The following TBC1D22A variants were observed in gnomAD, a reference collection of about 807,000 sequenced individuals.
TBC1D22A encodes the protein putative GTPase activator.
A neutral mutation model predicts 60.2 loss-of-function variants in TBC1D22A; 38 were observed. That is an observed-to-expected ratio of 0.63 (90% CI 0.49 to 0.83). The LOEUF (loss-of-function observed/expected upper bound fraction) is 0.83. TBC1D22A is among the 40% of genes least tolerant of loss of function. The pLI, the probability that TBC1D22A is intolerant of heterozygous loss-of-function variation, is 0.00. For synonymous variants in TBC1D22A, 302 were observed against 281.7 expected, an observed-to-expected ratio of 1.07 and a Z score of -0.72; for missense variants, 628 against 701.0, an observed-to-expected ratio of 0.90 and a Z score of 1.18.
At chr22:46,935,368 A>T (rs777938362) in intron 8 of TBC1D22A, among the ~76,000 whole-genome samples, 2 of 152,174 alleles carry the variant, frequency 1.3e-5, no homozygotes, top group Non-Finnish European at 2.9e-5. Flanking sequence ...TTAAAAAGTG[A>T]GTCAAAAAAA....
chr22:47,007,019 G>A (rs1270976695), intron 10 of TBC1D22A, among the ~76,000 whole-genome samples: 1 of 152,220 alleles, frequency 6.6e-6, no homozygotes, highest in East Asian at 1.9e-4. Flanking sequence ...GCCAGCCCAA[G>A]AAGGACTCTG....
intron 12 of TBC1D22A, among the ~76,000 whole-genome samples, chr22:47,172,085 A>AGCACTCCCAGTAAGCCCAAC (rs2068503776): frequency 1.0e-5 from 1 of 95,484 alleles, no homozygotes; most frequent in Non-Finnish European, 2.3e-5. Context: ...GAGCCTACCC[A>AGCACTCCCAGTAAGCCCAAC]GCACTCCCAG....
intron 8 of TBC1D22A, among the ~76,000 whole-genome samples, chr22:46,941,335 A>G (rs548467249): frequency 2.9e-5 from 3 of 102,420 alleles, no homozygotes; most frequent in South Asian, 5.5e-4. Flanking sequence ...GGGCACTACA[A>G]TATATATATA....
intron 7 of TBC1D22A, among the ~76,000 whole-genome samples, chr22:46,907,723 G>A (rs986450722): frequency 2.0e-5 from 3 of 152,238 alleles, no homozygotes; most frequent in African/African-American, 7.2e-5. Context: ...GCTGTAAAGT[G>A]GGTGGAGGAA....
chr22:46,981,951 A>G (rs1569301540), intron 9 of TBC1D22A, among the ~76,000 whole-genome samples: 1 of 152,190 alleles, frequency 6.6e-6, no homozygotes, highest in Non-Finnish European at 1.5e-5. Context: ...AAGAATGGCA[A>G]TACCAGCAGT....
At chr22:47,065,076 C>T (rs565690326) in intron 11 of TBC1D22A, among the ~76,000 whole-genome samples, 35 of 152,290 alleles carry the variant, frequency 2.3e-4, no homozygotes, top group Middle Eastern at 3.4e-3. Flanking sequence ...CTCCGCCTCC[C>T]GGGTTCAAGC....
chr22:47,159,342 A>G (rs955252459), intron 12 of TBC1D22A, among the ~76,000 whole-genome samples: 2 of 149,350 alleles, frequency 1.3e-5, no homozygotes, highest in Non-Finnish European at 3.0e-5. Context: ...CACACACACC[A>G]TGTATTCACA....
At chr22:46,870,954 A>G (rs1431807501) in intron 4 of TBC1D22A, among the ~76,000 whole-genome samples, 1 of 152,232 alleles carries the variant, frequency 6.6e-6, no homozygotes, top group African/African-American at 2.4e-5. Flanking sequence ...GGACAAAAAC[A>G]TTCAAACCAT....
rs376640950 is a variant in TBC1D22A, at chr22:47,033,383, A to T, written c.1202-3688A>T. Among the ~76,000 whole-genome samples the T allele has an allele frequency of 6.6e-5, 10 of 152,362 alleles. No individual in the cohort carries two copies. In the South Asian group the frequency reaches 1.0e-3, roughly 16 times the overall value. ...TATTGCTGTGTTGAGAAATAGAAGT[A>T]GAGGAGGACGGCCAGGCTGGGAATG... On this transcript the variant is annotated intron_variant, in intron 10 of 12. Coordinates refer to ENST00000337137, the MANE Select transcript of TBC1D22A (RefSeq NM_014346.5).
intron 10 of TBC1D22A, among the ~76,000 whole-genome samples, chr22:47,036,722 G>A (rs1245380556): frequency 6.6e-6 from 1 of 152,214 alleles, no homozygotes; most frequent in Admixed American, 6.5e-5. Context: ...GGTCTGTGGA[G>A]CTTCTGTGGA....
At chr22:46,927,167 A>ACTT (rs1326277116) in intron 8 of TBC1D22A, among the ~76,000 whole-genome samples, 1 of 152,234 alleles carries the variant, frequency 6.6e-6, no homozygotes, top group African/African-American at 2.4e-5. Flanking sequence ...AAATTACAGA[A>ACTT]CAATATTCCT....
In TBC1D22A at chr22:46,939,660, A is replaced by G. The variant is rs142896540; in HGVS notation, c.1015+27472A>G. On this transcript the variant is annotated intron_variant, in intron 8 of 12. Coordinates refer to ENST00000337137, the MANE Select transcript of TBC1D22A (RefSeq NM_014346.5). Reference sequence around the variant, plus strand: ...GGAAAATCTTCTCCCATTTTGGAGCATAGAAGATGACTGTCTTCGACAAAA... The same window carrying G: ...GGAAAATCTTCTCCCATTTTGGAGCGTAGAAGATGACTGTCTTCGACAAAA... Among the ~76,000 whole-genome samples the G allele has an allele frequency of 4.2e-3, 636 of 152,392 alleles. 4 individuals carry two copies. Among genetic ancestry groups the G allele is most frequent in the Non-Finnish European group, 6.5e-3 (441 of 68,042 alleles).
chr22:46,792,885 G>A lies in TBC1D22A; in HGVS notation c.119+309G>A, dbSNP rs527276680. 9 of 1,426,214 alleles carry A rather than the reference G, an allele frequency of 6.3e-6. No homozygotes were observed. The East Asian group carries it at 1.3e-4, about 20-fold the overall frequency. The allele number at this position is 1,426,214 out of a possible 1,614,324, so 88.3% of individuals were successfully genotyped here. On this transcript the variant is annotated intron_variant, in intron 2 of 12. Transcript: ENST00000337137. ...GGCTGCAGGCCATCCATGCTGGCTT[G>A]TCCTTTCCCCTCCTCCTTCCCGCAT... is the stretch of plus-strand genomic sequence containing the variant.
Position 47,126,010 on chromosome 22 carries a change from C to CT in TBC1D22A, c.1425+14408dup, listed in dbSNP as rs2066441977. On this transcript the variant is annotated intron_variant, in intron 12 of 12. Transcript: ENST00000337137. The stretch of plus-strand genomic sequence containing the variant: ...TTTTTGTTTTTTTTTGAGACAGAGT[C>CT]TCGCTCTGTCGGCCAGGTTGGAGTG... 2.6e-5 allele frequency among the ~76,000 whole-genome samples: 4 copies of CT among 152,098 alleles called. No homozygotes were observed. In the South Asian group the frequency reaches 8.3e-4, roughly 31 times the overall value.
chr22:46,890,791 C>T (rs555632690), intron 5 of TBC1D22A, among the ~76,000 whole-genome samples: 67 of 152,208 alleles, frequency 4.4e-4, no homozygotes, highest in African/African-American at 1.4e-3. Flanking sequence ...AGTGAGAGTA[C>T]GTACACACGT....
intron 9 of TBC1D22A, among the ~76,000 whole-genome samples, chr22:46,993,098 C>T (rs370059040): frequency 2.6e-5 from 4 of 152,248 alleles, no homozygotes; most frequent in South Asian, 2.1e-4. Flanking sequence ...CTAACTTCTC[C>T]GTGAGCTGGC....
chr22:47,098,892 G>A (rs2065295404), intron 11 of TBC1D22A, among the ~76,000 whole-genome samples: 1 of 152,238 alleles, frequency 6.6e-6, no homozygotes, highest in African/African-American at 2.4e-5. Context: ...ACAGGAGCCA[G>A]GGTCTCTGGA....
chr22:46,935,824 CT>C (rs376188531), intron 8 of TBC1D22A, among the ~76,000 whole-genome samples: 1 of 152,090 alleles, frequency 6.6e-6, no homozygotes, highest in East Asian at 1.9e-4. Context: ...TGCTGTTGTG[CT>C]GTCTCCTGGC....
intron 10 of TBC1D22A, among the ~76,000 whole-genome samples, chr22:47,026,475 T>A (rs2062262156): frequency 6.6e-6 from 1 of 152,212 alleles, no homozygotes; most frequent in Non-Finnish European, 1.5e-5. Flanking sequence ...ACTCTCTGCT[T>A]TTGCAGACAA....
Sources: allele counts gnomAD v4.1 joint callset (sites outside exome capture counted in the v4.1 genomes callset), GRCh38; gene constraint gnomAD v4.1.1; transcripts MANE v1.5; gene names NCBI Gene and HGNC (gene_info 2026-07-23, HGNC 2026-07-21).